TRAPPC10: variants seen among roughly 807,000 people sequenced by gnomAD.
TRAPPC10 encodes trafficking protein particle complex subunit 10.
TRAPPC10 carries 23 observed loss-of-function variants against 125.5 expected under a neutral mutation model. That is an observed-to-expected ratio of 0.18 (90% CI 0.13 to 0.26). The LOEUF (loss-of-function observed/expected upper bound fraction) is 0.26. TRAPPC10 is among the 10% of genes least tolerant of loss of function. The pLI, the probability that TRAPPC10 is intolerant of heterozygous loss-of-function variation, is 1.00. For synonymous variants in TRAPPC10, 509 were observed against 518.0 expected (o/e 0.98, Z 0.24); for missense variants, 1,123 against 1,308.4 (o/e 0.86, Z 2.19).
In TRAPPC10 at chr21:44,082,877, G is replaced by A. The variant is rs367993178; in HGVS notation, c.1813G>A (p.Val605Ile). The A allele has an allele frequency of 2.7e-5, 43 of 1,614,002 alleles. No homozygotes were observed. The highest frequency in any genetic ancestry group is 1.6e-4 in the Middle Eastern group (1 of 6,084). ...PSNAVVHVGG[V>I]LCVEITMYSQ... ...CAATGCCGTGGTCCACGTGGGCGGC[G>A]TTTTGTGCGTTGAGATAACCATGTA... Residue 605 changes from valine (V) to isoleucine (I), a missense_variant, in exon 14 of 23, where the codon GTT becomes ATT. By Grantham distance (29) the Val-to-Ile change is conservative. This residue lies in a region of TRAPPC10 where 840 missense variants were observed against 902.0 expected (regional missense o/e 0.93). Coordinates refer to ENST00000291574, the MANE Select transcript of TRAPPC10 (RefSeq NM_003274.5). The surrounding 1 kb of genome is among the most constrained non-coding windows in gnomAD (Gnocchi z 4.4).
At chr21:44,016,318 C>T (rs1050831644) in intron 1 of TRAPPC10, among the ~76,000 whole-genome samples, 8 of 152,190 alleles carry the variant, frequency 5.3e-5, no homozygotes, top group African/African-American at 1.9e-4. Flanking sequence ...AGACACGTTC[C>T]TTTTCCAGCC....
intron 2 of TRAPPC10, among the ~76,000 whole-genome samples, chr21:44,034,327 C>T (rs1175268080): frequency 9.4e-6 from 1 of 106,948 alleles, no homozygotes; most frequent in Non-Finnish European, 1.7e-5. Flanking sequence ...TTGCCCACTC[C>T]CCCAACCCCC....
chr21:44,088,028 C>T (rs2038268437), intron 17 of TRAPPC10, 100 bp downstream of exon 17: 8 of 1,013,874 alleles, frequency 7.9e-6, no homozygotes, highest in African/African-American at 3.2e-5. Context: ...AGCCTGGCTC[C>T]TTCTGATTCC....
Position 44,080,318 on chromosome 21 carries a change from A to G in TRAPPC10, c.1723+191A>G, listed in dbSNP as rs188289513. On this transcript the variant is annotated intron_variant, in intron 13 of 22. Transcript: ENST00000291574. Reference sequence around the variant, plus strand: ...TAAGTCAAACTCTAGACCACATTAGATCTTCTAAAAATAAGGACAGTCTCT... The same window carrying G: ...TAAGTCAAACTCTAGACCACATTAGGTCTTCTAAAAATAAGGACAGTCTCT... 2.2e-3 allele frequency among the ~76,000 whole-genome samples: 329 copies of G among 152,180 alleles called. 1 individual carries two copies. The highest frequency in any genetic ancestry group is 7.7e-3 in the African/African-American group (320 of 41,526).
rs528209946 is a variant in TRAPPC10 at position 44,038,972 on chromosome 21, C to T, written c.285+1045C>T. ...GTTTTCACCAGGCTGCGCCGTAGGC[C>T]CCCTCTGCCTGGCGTGCCTGAGAAG... On this transcript the variant is annotated intron_variant, in intron 3 of 22. Coordinates refer to ENST00000291574, the MANE Select transcript of TRAPPC10 (RefSeq NM_003274.5). Among the ~76,000 whole-genome samples the T allele has an allele frequency of 3.0e-4, 45 of 152,300 alleles. 1 individual carries two copies. Among genetic ancestry groups the T allele is most frequent in the Non-Finnish European group, 6.5e-4 (44 of 68,020 alleles).
intron 4 of TRAPPC10, among the ~76,000 whole-genome samples, chr21:44,054,123 G>T (rs1262816140): frequency 6.6e-6 from 1 of 152,166 alleles, no homozygotes; most frequent in Admixed American, 6.5e-5. Flanking sequence ...AATGCCTTAA[G>T]GATAAACTAC....
At chr21:44,044,388 T>A (rs1268552447) in intron 3 of TRAPPC10, among the ~76,000 whole-genome samples, 2 of 152,062 alleles carry the variant, frequency 1.3e-5, no homozygotes, top group African/African-American at 4.8e-5. Flanking sequence ...GGATTTTAGA[T>A]TTAAAGTAAA....
intron 10 of TRAPPC10, among the ~76,000 whole-genome samples, chr21:44,077,022 G>C (rs1424417294): frequency 6.6e-6 from 1 of 152,160 alleles, no homozygotes; most frequent in Non-Finnish European, 1.5e-5. Context: ...GCAGAAGTGT[G>C]GTGGGTCAGC....
chr21:44,036,150 A>G (rs1440514480), intron 2 of TRAPPC10, among the ~76,000 whole-genome samples: 1 of 152,234 alleles, frequency 6.6e-6, no homozygotes, highest in Non-Finnish European at 1.5e-5. Flanking sequence ...AGCCTAGTGA[A>G]TGTCAAGCAG....
intron 4 of TRAPPC10, among the ~76,000 whole-genome samples, 199 bp from the exon 5 acceptor site, chr21:44,055,499 G>T (rs576484879): frequency 2.0e-5 from 3 of 151,674 alleles, no homozygotes; most frequent in Admixed American, 6.6e-5. Flanking sequence ...GATCACTGGA[G>T]CCTGGGAGGT....
intron 1 of TRAPPC10, among the ~76,000 whole-genome samples, chr21:44,031,416 A>G (rs1197470780): frequency 6.6e-6 from 1 of 152,252 alleles, no homozygotes; most frequent in Non-Finnish European, 1.5e-5. Context: ...CAAAGATAAA[A>G]GCTGAATTAA....
intron 13 of TRAPPC10, 103 bp downstream of exon 13, chr21:44,080,230 A>G (rs945392674): frequency 9.6e-7 from 1 of 1,040,702 alleles, no homozygotes; most frequent in Non-Finnish European, 1.4e-6. Context: ...AGTTGCTAAC[A>G]TTTTGCTGTG....
chr21:44,045,366 G>T (rs371783667), intron 3 of TRAPPC10, among the ~76,000 whole-genome samples: 1 of 151,986 alleles, frequency 6.6e-6, no homozygotes, highest in Non-Finnish European at 1.5e-5. Context: ...TTGTACATTG[G>T]GAAAGTCTAT....
In TRAPPC10 at chr21:44,059,036, C is replaced by T; in HGVS notation, c.679-67C>T. ...GCCTTTCTCTGTCGTTTAATGGCTA[C>T]ATACTGTTTCTTCTATACATTGATT... is the stretch of plus-strand genomic sequence containing the variant. On this transcript the variant is annotated intron_variant, in intron 5 of 22. Transcript: ENST00000291574. The surrounding 1 kb of genome is among the most constrained non-coding windows in gnomAD (Gnocchi z 4.4). 1.6e-6 allele frequency: 2 copies of T among 1,252,866 alleles called. No homozygotes were observed. Among genetic ancestry groups the T allele is most frequent in the Non-Finnish European group, 1.1e-6 (1 of 897,458 alleles). 77.6% of individuals were successfully genotyped at this position (1,252,866 alleles called of 1,614,324 possible).
At chr21:44,060,073 G>C (rs925173316) in intron 6 of TRAPPC10, 1 of 154,522 alleles carries the variant, frequency 6.5e-6, no homozygotes, top group African/African-American at 2.4e-5. Context: ...GTGTGGGGAC[G>C]GTCAGTTCTA....
intron 3 of TRAPPC10, among the ~76,000 whole-genome samples, chr21:44,043,935 C>T (rs1188613516): frequency 6.6e-6 from 1 of 152,216 alleles, no homozygotes; most frequent in Non-Finnish European, 1.5e-5. Context: ...CCTCAACACG[C>T]CACTGACACC....
In TRAPPC10 at chr21:44,029,084, CT is replaced by C. The variant is rs936159890; in HGVS notation, c.68-2998del. On this transcript the variant is annotated intron_variant, in intron 1 of 22. Coordinates refer to ENST00000291574, the MANE Select transcript of TRAPPC10 (RefSeq NM_003274.5). ...CTCTTAAACTTAAGCTGTTCACCATCTTTTTTTTTGTTGTTTGTTTGTTTTT... is the reference window on the plus strand; with the variant it reads ...CTCTTAAACTTAAGCTGTTCACCATCTTTTTTTTGTTGTTTGTTTGTTTTT... Among the ~76,000 whole-genome samples the C allele has an allele frequency of 4.0e-4, 61 of 151,612 alleles. 1 individual carries two copies. The highest frequency in any genetic ancestry group is 1.3e-3 in the African/African-American group (55 of 41,392).
chr21:44,021,986 A>C (rs2032550365), intron 1 of TRAPPC10, among the ~76,000 whole-genome samples: 2 of 152,142 alleles, frequency 1.3e-5, no homozygotes, highest in Admixed American at 6.5e-5. Flanking sequence ...AGAGAAAACA[A>C]AAAACTGTTT....
chr21:44,088,605 T>A (rs965400479), intron 17 of TRAPPC10: 1 of 155,334 alleles, frequency 6.4e-6, no homozygotes, highest in Admixed American at 6.4e-5. Flanking sequence ...AATGTTGTAA[T>A]GTTCAGCTTT....
Sources: allele counts gnomAD v4.1 joint callset (sites outside exome capture counted in the v4.1 genomes callset), GRCh38; gene constraint gnomAD v4.1.1; regional missense constraint gnomAD v4.1.1; non-coding constraint Gnocchi (gnomAD v3.1); transcripts MANE v1.5; gene names NCBI Gene and HGNC (gene_info 2026-07-23, HGNC 2026-07-21).